WWC1: variants seen among roughly 807,000 people sequenced by gnomAD.
The protein encoded by WWC1 is WW and C2 domain containing 1.
WWC1 carries 55 observed loss-of-function variants against 138.4 expected under a neutral mutation model. The ratio of observed to expected loss-of-function variants is 0.40; its 90% CI spans 0.32 to 0.50. The LOEUF (loss-of-function observed/expected upper bound fraction) is 0.50, where lower values mean the gene tolerates loss of function less well. Among genes scored for constraint, WWC1 ranks in the 20% least tolerant of loss-of-function variants. The probability of loss-of-function intolerance (pLI) is 0.72; values close to 1 mark genes in which losing one functional copy is unlikely to be tolerated. For synonymous variants in WWC1, 524 were observed against 564.9 expected (o/e 0.93, Z 1.03); for missense variants, 1,226 against 1,420.4 (o/e 0.86, Z 2.20).
chr5:168,399,170 G>C (rs1779129385), intron 4 of WWC1, among the ~76,000 whole-genome samples: 1 of 152,200 alleles, frequency 6.6e-6, no homozygotes, highest in South Asian at 2.1e-4. Context: ...CAGCTTGAGA[G>C]AGTTCACACA....
intron 1 of WWC1, among the ~76,000 whole-genome samples, chr5:168,340,247 T>C (rs1231411179): frequency 6.6e-6 from 1 of 152,098 alleles, no homozygotes; most frequent in Non-Finnish European, 1.5e-5. Flanking sequence ...GGCTAAGTTT[T>C]GTATTTTTAG....
At chr5:168,325,438 G>A (rs750880915) in intron 1 of WWC1, among the ~76,000 whole-genome samples, 2 of 152,172 alleles carry the variant, frequency 1.3e-5, no homozygotes, top group Non-Finnish European at 2.9e-5. Context: ...CCCTCAGGCT[G>A]GTTCCTGGCA....
In WWC1 at chr5:168,431,358, G is replaced by T. The variant is rs757239032; in HGVS notation, c.2194G>T (p.Val732Leu). Residue 732 changes from valine (V) to leucine (L), a missense_variant, in exon 15 of 23, where the codon GTA (valine) becomes TTA (leucine). By Grantham distance (32) the Val-to-Leu change is conservative. This residue lies in a region of WWC1 where 1,016 missense variants were observed against 1,153.9 expected (regional missense o/e 0.88). Transcript: ENST00000265293. ...TCTAGTGTTCAATGAGGTGTTCTGGGTATCCATGTCCTATCCAGCCCTTCA... is the reference window on the plus strand; with the variant it reads ...TCTAGTGTTCAATGAGGTGTTCTGGTTATCCATGTCCTATCCAGCCCTTCA... ...DTLVFNEVFWVSMSYPALHQK... is the reference protein window; with the variant it reads ...DTLVFNEVFWLSMSYPALHQK... 1.2e-6 allele frequency: 2 copies of T among 1,614,108 alleles called. No homozygotes were observed. Among genetic ancestry groups the T allele is most frequent in the Middle Eastern group, 1.6e-4 (1 of 6,062 alleles).
intron 15 of WWC1, among the ~76,000 whole-genome samples, chr5:168,438,175 C>T (rs887214454): frequency 1.3e-5 from 2 of 152,146 alleles, no homozygotes; most frequent in Admixed American, 6.5e-5. Context: ...ACACCGTGCT[C>T]TCAGAAACCA....
At position 168,470,903 on chromosome 5, in the gene WWC1, A is replaced by T; in HGVS notation, c.*1886A>T. The T allele has an allele frequency of 6.6e-6, 1 of 152,322 alleles. No homozygotes were observed. Among genetic ancestry groups the T allele is most frequent in the East Asian group, 1.9e-4 (1 of 5,176 alleles). 9.4% of individuals were successfully genotyped at this position (152,322 alleles called of 1,614,324 possible). On this transcript the variant is annotated 3_prime_UTR_variant, in exon 23 of 23. Transcript: ENST00000265293. ...ACTGAACTATCCCGCCCACCCTGGGACGGTCCCCAGTGCCAGTGTTTTACC... is the reference window on the plus strand; with the variant it reads ...ACTGAACTATCCCGCCCACCCTGGGTCGGTCCCCAGTGCCAGTGTTTTACC...
At chr5:168,313,406 C>T in intron 1 of WWC1, among the ~76,000 whole-genome samples, 1 of 152,056 alleles carries the variant, frequency 6.6e-6, no homozygotes, top group East Asian at 2.0e-4. Flanking sequence ...GCCTGGCCAA[C>T]ATGGCGAAAC....
intron 15 of WWC1, among the ~76,000 whole-genome samples, chr5:168,441,423 TCA>T (rs1034655765): frequency 6.6e-6 from 1 of 152,188 alleles, no homozygotes; most frequent in Non-Finnish European, 1.5e-5. Context: ...GGTTTTTTTA[TCA>T]CAGTTTTTTT....
At chr5:168,430,076 A>G in intron 13 of WWC1, 61 bp from the exon 14 acceptor site, 1 of 1,347,578 alleles carries the variant, frequency 7.4e-7, no homozygotes, top group Non-Finnish European at 1.1e-6. Context: ...TAATGGAGAG[A>G]AGGAATGAGA....
chr5:168,368,087 C>CAT (rs1209780889), intron 1 of WWC1, among the ~76,000 whole-genome samples: 1 of 115,700 alleles, frequency 8.6e-6, no homozygotes, highest in Non-Finnish European at 1.8e-5. Context: ...AAGAACACTT[C>CAT]ATCTTTTTTT....
At chr5:168,365,818 A>G (rs1776246943) in intron 1 of WWC1, among the ~76,000 whole-genome samples, 1 of 152,200 alleles carries the variant, frequency 6.6e-6, no homozygotes, top group African/African-American at 2.4e-5. Context: ...ATTTGTAATT[A>G]AGAAGAGGCA....
intron 3 of WWC1, among the ~76,000 whole-genome samples, chr5:168,387,712 C>G (rs2152821114): frequency 6.6e-6 from 1 of 152,280 alleles, no homozygotes; most frequent in East Asian, 1.9e-4. Flanking sequence ...GGAGCCTACC[C>G]TCAAGACCTC....
At chr5:168,396,391 A>AAAAAG (rs1447891053) in intron 3 of WWC1, among the ~76,000 whole-genome samples, 3 of 151,418 alleles carry the variant, frequency 2.0e-5, no homozygotes, top group Non-Finnish European at 4.4e-5. Context: ...TCAAAAAATA[A>AAAAAG]AAAAGAAAAG....
intron 21 of WWC1, among the ~76,000 whole-genome samples, chr5:168,465,546 G>T (rs6555814): frequency 0.96 from 90,577 of 94,606 alleles, 43,278 homozygotes; most frequent in Middle Eastern, 0.99. Context: ...ATATCAGCTG[G>T]GCTTTTTTTT....
chr5:168,450,672 A>C (rs13157536), intron 17 of WWC1, among the ~76,000 whole-genome samples: 1 of 151,878 alleles, frequency 6.6e-6, no homozygotes, highest in Non-Finnish European at 1.5e-5. Flanking sequence ...TCTCAAAAAA[A>C]TAAAATAAAA....
intron 17 of WWC1, among the ~76,000 whole-genome samples, chr5:168,444,836 T>C (rs548104571): frequency 6.7e-6 from 1 of 149,590 alleles, no homozygotes; most frequent in South Asian, 2.1e-4. Flanking sequence ...TTATTCTTTA[T>C]CTTGATATAG....
chr5:168,385,465 C>A, intron 3 of WWC1, 51 bp downstream of exon 3: 2 of 1,572,932 alleles, frequency 1.3e-6, no homozygotes, highest in East Asian at 2.3e-5. Flanking sequence ...AGAGAATGGC[C>A]ACACTGAGTT....
At chr5:168,455,547 C>T in intron 19 of WWC1, 27 bp downstream of exon 19, 1 of 1,607,640 alleles carries the variant, frequency 6.2e-7, no homozygotes, top group South Asian at 1.1e-5. Flanking sequence ...CCCTCTTCTG[C>T]TCCCCTCAGG....
At chr5:168,396,767 C>G (rs1778932942) in intron 3 of WWC1, among the ~76,000 whole-genome samples, 1 of 152,110 alleles carries the variant, frequency 6.6e-6, no homozygotes, top group Non-Finnish European at 1.5e-5. Flanking sequence ...GCCTTAAAAT[C>G]CTTTTTCAAG....
rs764998317 is a variant in WWC1 at position 168,428,085 on chromosome 5, C to T, written c.1863C>T (p.Ala621=). 7.4e-5 allele frequency: 120 copies of T among 1,613,740 alleles called. No homozygotes were observed. Among genetic ancestry groups the T allele is most frequent in the Non-Finnish European group, 8.7e-5 (103 of 1,179,844 alleles). ...CGLKVACVSA[A]VSDESVAGDS... The stretch of plus-strand genomic sequence containing the variant: ...TGAAAGTGGCCTGTGTCTCAGCCGC[C>T]GTATCGGACGAGTCAGTGGCTGGAG... Residue 621 remains alanine, a synonymous_variant, in exon 12 of 23, where the codon GCC becomes GCT. Transcript: ENST00000265293.
Sources: gnomAD v4.1 joint callset for allele counts (sites outside exome capture counted in the v4.1 genomes callset) on GRCh38, gnomAD v4.1.1 for gene constraint, gnomAD v4.1.1 regional missense constraint, MANE v1.5 for transcripts, NCBI Gene and HGNC (gene_info 2026-07-23, HGNC 2026-07-21) for gene names.